EHBP1: variants seen among roughly 807,000 people sequenced by gnomAD.
EHBP1 encodes EH domain-binding protein 1.
EHBP1 carries 55 observed loss-of-function variants against 144.0 expected under a neutral mutation model. The ratio of observed to expected loss-of-function variants is 0.38; its 90% CI spans 0.31 to 0.48. The LOEUF (loss-of-function observed/expected upper bound fraction) is 0.48. Ranked by LOEUF, EHBP1 falls within the 20% of genes least tolerant of loss-of-function variation. EHBP1 has a pLI of 0.98. For missense variants in EHBP1, 1,200 were observed against 1,364.2 expected, an observed-to-expected ratio of 0.88 and a Z score of 1.90; for synonymous variants, 469 against 472.7, an observed-to-expected ratio of 0.99 and a Z score of 0.10.
chr2:62,697,998 C>A (rs913208163), intron 1 of EHBP1, among the ~76,000 whole-genome samples: 11 of 152,172 alleles, frequency 7.2e-5, no homozygotes, highest in Admixed American at 2.0e-4. Flanking sequence ...AAGTACTCAA[C>A]AAGTTGGTCT....
intron 14 of EHBP1, among the ~76,000 whole-genome samples, chr2:62,959,061 C>T (rs1424434476): frequency 1.3e-5 from 2 of 152,186 alleles, no homozygotes; most frequent in Non-Finnish European, 2.9e-5. Context: ...CTGTCTACCA[C>T]TGTTTCGCTC....
At chr2:62,700,416 A>G (rs771633905) in intron 1 of EHBP1, among the ~76,000 whole-genome samples, 4 of 152,064 alleles carry the variant, frequency 2.6e-5, no homozygotes, top group Non-Finnish European at 4.4e-5. Flanking sequence ...GGGGGCTTAC[A>G]TAGCATCACT....
At chr2:62,834,642 A>G (rs1376623986) in intron 7 of EHBP1, among the ~76,000 whole-genome samples, 3 of 152,222 alleles carry the variant, frequency 2.0e-5, no homozygotes, top group African/African-American at 4.8e-5. Context: ...CTTTATTGCA[A>G]TATTCACTTT....
At chr2:62,825,492 C>G in intron 5 of EHBP1, among the ~76,000 whole-genome samples, 1 of 151,160 alleles carries the variant, frequency 6.6e-6, no homozygotes, top group East Asian at 1.9e-4. Flanking sequence ...CCAACTGTTT[C>G]TTTTATGATA....
intron 2 of EHBP1, among the ~76,000 whole-genome samples, chr2:62,741,553 TTTG>T (rs2038709795): frequency 1.3e-5 from 2 of 152,316 alleles, no homozygotes; most frequent in Middle Eastern, 3.4e-3. Flanking sequence ...TGTCAGCGTT[TTTG>T]TTGTTGTTTC....
At chr2:62,695,857 C>T (rs951444200) in intron 1 of EHBP1, among the ~76,000 whole-genome samples, 2 of 152,004 alleles carry the variant, frequency 1.3e-5, no homozygotes, top group East Asian at 1.9e-4. Flanking sequence ...GGACCACAGG[C>T]GTGTGCCACC....
chr2:62,675,613 G>A (rs1186348525), intron 1 of EHBP1, among the ~76,000 whole-genome samples: 1 of 152,038 alleles, frequency 6.6e-6, no homozygotes, highest in Non-Finnish European at 1.5e-5. Flanking sequence ...ACAAAATAAG[G>A]CCTTTCTTCT....
At chr2:62,687,111 A>G (rs2033743945) in intron 1 of EHBP1, among the ~76,000 whole-genome samples, 1 of 152,234 alleles carries the variant, frequency 6.6e-6, no homozygotes, top group Admixed American at 6.5e-5. Context: ...CTTGAAGCAG[A>G]CATAAATCCT....
chr2:62,842,098 T>G (rs2047933654), intron 7 of EHBP1, among the ~76,000 whole-genome samples: 1 of 152,032 alleles, frequency 6.6e-6, no homozygotes, highest in Non-Finnish European at 1.5e-5. Flanking sequence ...CAAAGCCTTT[T>G]TTTTTTGAGA....
chr2:62,934,945 G>C lies in EHBP1; in HGVS notation c.1186-7773G>C, dbSNP rs77366261. The stretch of plus-strand genomic sequence containing the variant: ...GAGAGCATTTCTTCATGGAGAAAGA[G>C]TTTAGTTAACCCTTTCTGTTGGTTA... On this transcript the variant is annotated intron_variant, in intron 10 of 22. Coordinates refer to ENST00000431489, the MANE Select transcript of EHBP1 (RefSeq NM_001142616.3). Among the ~76,000 whole-genome samples, 167 of 152,222 alleles carry C rather than the reference G, an allele frequency of 1.1e-3. No homozygotes were observed. The East Asian group carries it at 0.015, about 14-fold the overall frequency.
At chr2:62,999,621 C>G (rs970587157) in intron 19 of EHBP1, among the ~76,000 whole-genome samples, 10 of 152,214 alleles carry the variant, frequency 6.6e-5, no homozygotes, top group Admixed American at 4.6e-4. Context: ...CTTAACATAT[C>G]TTCAAGGTTC....
At chr2:62,960,558 A>G (rs1321669459) in intron 14 of EHBP1, among the ~76,000 whole-genome samples, 1 of 152,184 alleles carries the variant, frequency 6.6e-6, no homozygotes, top group East Asian at 1.9e-4. Context: ...TCAACTGTGA[A>G]CTATTTCAAA....
At chr2:62,920,092 C>A (rs927499264) in intron 10 of EHBP1, among the ~76,000 whole-genome samples, 2 of 152,064 alleles carry the variant, frequency 1.3e-5, no homozygotes, top group African/African-American at 2.4e-5. Flanking sequence ...TAAAACTTCC[C>A]AAATTTCATG....
chr2:62,784,402 T>G (rs562528049), intron 5 of EHBP1, among the ~76,000 whole-genome samples: 1 of 152,302 alleles, frequency 6.6e-6, no homozygotes, highest in East Asian at 1.9e-4. Context: ...ATTTACTTCC[T>G]AACATTGGGG....
At chr2:62,862,362 C>T (rs1373465480) in intron 8 of EHBP1, among the ~76,000 whole-genome samples, 3 of 151,856 alleles carry the variant, frequency 2.0e-5, no homozygotes, top group Admixed American at 6.6e-5. Flanking sequence ...TAATCCCAGC[C>T]CTTTGGGAGG....
intron 2 of EHBP1, among the ~76,000 whole-genome samples, chr2:62,714,802 T>TAGGTTGGAGTGACCAGGG (rs2035506268): frequency 6.6e-6 from 1 of 152,132 alleles, no homozygotes; most frequent in Non-Finnish European, 1.5e-5. Flanking sequence ...TGAACTAGCA[T>TAGGTTGGAGTGACCAGGG]AGGTTGGAGT....
At chr2:63,027,324 G>T (rs957425733) in intron 19 of EHBP1, among the ~76,000 whole-genome samples, 2 of 152,136 alleles carry the variant, frequency 1.3e-5, no homozygotes, top group African/African-American at 4.8e-5. Context: ...TCAGGAAATG[G>T]CAATACAGAC....
chr2:62,774,209 A>G (rs375040968), intron 5 of EHBP1, among the ~76,000 whole-genome samples: 33 of 152,152 alleles, frequency 2.2e-4, no homozygotes, highest in African/African-American at 7.5e-4. Flanking sequence ...CGTCTCTACT[A>G]AAAATACAAA....
In EHBP1 at chr2:62,979,321, C is replaced by A; in HGVS notation, c.2594C>A (p.Ser865Ter). Reference sequence around the variant, plus strand: ...GCTGCAGAAAAGTTGAAAGAAAGGTCAAAGGCATCTGGAGGTGAGTTAAAG... The same window carrying A: ...GCTGCAGAAAAGTTGAAAGAAAGGTAAAAGGCATCTGGAGGTGAGTTAAAG... Reference protein sequence around the residue: ...EMAAEKLKERSKASGEQNSKL... With the variant: ...EMAAEKLKER Residue 865 changes from serine (S) to a stop codon, truncating the protein, a stop_gained, in exon 15 of 23, where the codon TCA becomes TAA. Coordinates refer to ENST00000431489, the MANE Select transcript of EHBP1 (RefSeq NM_001142616.3). LOFTEE classifies it high-confidence loss of function. 1 of 1,613,722 alleles carries A rather than the reference C, an allele frequency of 6.2e-7. No individual in the cohort carries two copies. Among genetic ancestry groups the A allele is most frequent in the Non-Finnish European group, 8.5e-7 (1 of 1,179,802 alleles).
Sources: gnomAD v4.1 joint callset for allele counts (sites outside exome capture counted in the v4.1 genomes callset) on GRCh38, gnomAD v4.1.1 for gene constraint, MANE v1.5 for transcripts, NCBI Gene and HGNC (gene_info 2026-07-23, HGNC 2026-07-21) for gene names.